Variants in COG4 observed in about 807,000 individuals in gnomAD.
The protein encoded by COG4 is conserved oligomeric Golgi complex subunit 4.
COG4 carries 65 observed loss-of-function variants against 95.1 expected under a neutral mutation model. That is an observed-to-expected ratio of 0.68 (90% CI 0.56 to 0.84). The LOEUF (loss-of-function observed/expected upper bound fraction) is 0.84, where lower values mean the gene tolerates loss of function less well. Among genes scored for constraint, COG4 ranks in the 40% least tolerant of loss-of-function variants. The probability of loss-of-function intolerance (pLI) is 0.00; values close to 1 mark genes in which losing one functional copy is unlikely to be tolerated. For missense variants in COG4, 1,045 were observed against 989.1 expected (o/e 1.06, Z -0.76); for synonymous variants, 421 against 374.8 (o/e 1.12, Z -1.42).
At chr16:70,490,189 T>A (rs1473193547) in intron 13 of COG4, 141 bp downstream of exon 13, 3 of 749,162 alleles carry the variant, frequency 4.0e-6, no homozygotes. Context: ...TGCCTTGCTA[T>A]CATGTCAGTC....
intron 4 of COG4, among the ~76,000 whole-genome samples, chr16:70,512,743 GC>G (rs1394386370): frequency 2.0e-5 from 3 of 152,200 alleles, no homozygotes; most frequent in African/African-American, 7.2e-5. Context: ...ACTTTGGAAG[GC>G]CGAGATGGCT....
intron 13 of COG4, among the ~76,000 whole-genome samples, chr16:70,485,679 G>A (rs1273564712): frequency 1.3e-5 from 2 of 149,106 alleles, no homozygotes; most frequent in Non-Finnish European, 1.5e-5. Flanking sequence ...TCTGTCTCCC[G>A]GGTTCAAGTG....
intron 1 of COG4, 86 bp downstream of exon 1, chr16:70,523,285 GGA>G: frequency 3.3e-6 from 5 of 1,506,856 alleles, no homozygotes; most frequent in South Asian, 1.1e-5. Context: ...CCCCCAGCAA[GGA>G]GAGTTTCCCA....
intron 3 of COG4, among the ~76,000 whole-genome samples, chr16:70,515,061 GC>G (rs1567395476): frequency 1.3e-5 from 2 of 149,276 alleles, no homozygotes; most frequent in Non-Finnish European, 2.9e-5. Context: ...TGTTGCCCAG[GC>G]TAGAGTACAG....
intron 14 of COG4, 83 bp from the exon 15 acceptor site, chr16:70,482,904 T>C: frequency 9.8e-7 from 1 of 1,018,002 alleles, no homozygotes; most frequent in South Asian, 1.3e-5. Context: ...CCCTTCCCTC[T>C]ATCCTCTCCC....
In COG4 at chr16:70,496,304, CT is replaced by C. The variant is rs926950737; in HGVS notation, c.1608del (p.Gly537AlafsTer14). The C allele has an allele frequency of 1.9e-6, 3 of 1,614,066 alleles. No homozygotes were observed. The Admixed American group carries it at 5.0e-5, about 27-fold the overall frequency. ...SSLQQGKFDTKGIESTDEAKM... is the reference protein window; with the variant it reads ...SSLQQGKFDTXGIESTDEAKM... The stretch of plus-strand genomic sequence containing the variant: ...TTCGCCTCGTCAGTACTCTCGATGC[CT>C]TTTGTGTCAAATTTGCCTTGCTGGA... On this transcript the variant is annotated frameshift_variant, in exon 12 of 19. Coordinates refer to ENST00000323786, the MANE Select transcript of COG4 (RefSeq NM_015386.3). LOFTEE classifies it high-confidence loss of function.
Position 70,496,406 on chromosome 16 carries a change from T to C in COG4, c.1507A>G (p.Met503Val). ...TGGAAGGTGGTGGCAGGAAAGCCCA[T>C]CCGCAGCTTATTACACAGAACATCC... ...FRDVLCNKLR[M>V]GFPATTFQDI... Residue 503 changes from methionine to valine, a missense_variant, in exon 12 of 19, where the codon ATG (methionine) becomes GTG (valine). Transcript: ENST00000323786. The C allele has an allele frequency of 6.2e-7, 1 of 1,614,142 alleles. No homozygotes were observed. Among genetic ancestry groups the C allele is most frequent in the Non-Finnish European group, 8.5e-7 (1 of 1,180,024 alleles).
intron 1 of COG4, among the ~76,000 whole-genome samples, chr16:70,521,765 G>A (rs1269960785): frequency 6.7e-6 from 1 of 148,354 alleles, no homozygotes; most frequent in East Asian, 2.0e-4. Context: ...GCAGTGGTGC[G>A]ATCTCGGCTC....
chr16:70,515,080 A>G (rs1338490574), intron 3 of COG4, among the ~76,000 whole-genome samples: 1 of 150,380 alleles, frequency 6.6e-6, no homozygotes, highest in African/African-American at 2.5e-5. Flanking sequence ...CAGTGGTGCA[A>G]TCTTGGCTCA....
At chr16:70,492,542 T>C (rs1238993989) in intron 12 of COG4, among the ~76,000 whole-genome samples, 1 of 151,198 alleles carries the variant, frequency 6.6e-6, no homozygotes. Flanking sequence ...ATGCCTGTAA[T>C]CCCAGCTACT....
chr16:70,510,704 A>C lies in COG4; in HGVS notation c.739-683T>G, dbSNP rs538475862. Reference sequence around the variant, plus strand: ...GGACTTTTACTGGATTAAAGGTAGAAGCCATTTCTAGGTCCCAGATGTCAA... The same window carrying C: ...GGACTTTTACTGGATTAAAGGTAGACGCCATTTCTAGGTCCCAGATGTCAA... On this transcript the variant is annotated intron_variant, in intron 5 of 18. Transcript: ENST00000323786. 1.1e-4 allele frequency among the ~76,000 whole-genome samples: 17 copies of C among 152,244 alleles called. 1 individual carries two copies. The South Asian group carries it at 3.5e-3, about 32-fold the overall frequency.
At chr16:70,513,515 C>T (rs555751344) in intron 4 of COG4, among the ~76,000 whole-genome samples, 1 of 152,156 alleles carries the variant, frequency 6.6e-6, no homozygotes, top group African/African-American at 2.4e-5. Flanking sequence ...TTCTCCCATA[C>T]ATACATACCT....
At chr16:70,506,619 A>AAAC (rs1386828084) in intron 8 of COG4, among the ~76,000 whole-genome samples, 23 of 98,730 alleles carry the variant, frequency 2.3e-4, no homozygotes, top group African/African-American at 1.3e-3. Flanking sequence ...AAAAAAAAAC[A>AAAC]AAAAAAAAAA....
In COG4 at chr16:70,497,375, C is replaced by G. The variant is rs1227627614; in HGVS notation, c.1327G>C (p.Asp443His). 6.2e-7 allele frequency: 1 copy of G among 1,613,338 alleles called. No individual in the cohort carries two copies. Among genetic ancestry groups the G allele is most frequent in the Non-Finnish European group, 8.5e-7 (1 of 1,180,024 alleles). The stretch of plus-strand genomic sequence containing the variant: ...GTCAGCTGGCCCTTCTCATAGGTGT[C>G]CAGAGCCACAGCCTACCCAAAAGGC... ...RETVNKAVALDTYEKGQLTSS... is the reference protein window; with the variant it reads ...RETVNKAVALHTYEKGQLTSS... The change falls in exon 11 of 19, where the codon GAC becomes CAC. Residue 443 changes from aspartate (D) to histidine (H), a missense_variant. Asp to His is a moderately conservative substitution (Grantham distance 81). Coordinates refer to ENST00000323786, the MANE Select transcript of COG4 (RefSeq NM_015386.3).
Position 70,523,334 on chromosome 16 carries a change from C to T in COG4, c.171+39G>A, listed in dbSNP as rs777656684. ...TCCCGACTGAAGGCTCCCACTCTCCCTAGATCCTCCATGAAAAAGAAGAGG... is the reference window on the plus strand; with the variant it reads ...TCCCGACTGAAGGCTCCCACTCTCCTTAGATCCTCCATGAAAAAGAAGAGG... On this transcript the variant is annotated intron_variant, in intron 1 of 18. Coordinates refer to ENST00000323786, the MANE Select transcript of COG4 (RefSeq NM_015386.3). 7.4e-6 allele frequency: 12 copies of T among 1,613,018 alleles called. 1 individual carries two copies. In the African/African-American group the frequency reaches 9.3e-5, roughly 13 times the overall value.
In COG4 at chr16:70,499,587, C is replaced by T. The variant is rs558334709; in HGVS notation, c.1195+1371G>A. Among the ~76,000 whole-genome samples, 71 of 152,246 alleles carry T rather than the reference C, an allele frequency of 4.7e-4. 2 individuals carry two copies. In the South Asian group the frequency reaches 0.015, roughly 32 times the overall value. On this transcript the variant is annotated intron_variant, in intron 9 of 18. Transcript: ENST00000323786. ...CTTTAATTCTTACTTTAGTAGCCAGCAGGAATTAAATGGTCATCTTAAAAA... is the reference window on the plus strand; with the variant it reads ...CTTTAATTCTTACTTTAGTAGCCAGTAGGAATTAAATGGTCATCTTAAAAA...
intron 4 of COG4, among the ~76,000 whole-genome samples, chr16:70,513,217 C>T (rs367909131): frequency 1.5e-4 from 23 of 152,152 alleles, no homozygotes; most frequent in South Asian, 1.2e-3. Flanking sequence ...GAAATACTTG[C>T]ACAATGAGTG....
intron 3 of COG4, chr16:70,515,825 G>T: frequency 3.0e-6 from 1 of 331,758 alleles, no homozygotes; most frequent in South Asian, 2.4e-5. Flanking sequence ...GATATTAGCT[G>T]AGGGTTGTTT....
chr16:70,483,777 C>T (rs1327079000), intron 14 of COG4, 76 bp downstream of exon 14: 18 of 1,183,614 alleles, frequency 1.5e-5, no homozygotes, highest in Non-Finnish European at 2.0e-5. Flanking sequence ...TCCTTGCACA[C>T]GATGAGCCAG....
Sources: allele counts gnomAD v4.1 joint callset (sites outside exome capture counted in the v4.1 genomes callset), GRCh38; gene constraint gnomAD v4.1.1; transcripts MANE v1.5; gene names NCBI Gene and HGNC (gene_info 2026-07-23, HGNC 2026-07-21).